Variants in NFIA observed in about 807,000 individuals in gnomAD.
NFIA encodes the protein nuclear factor 1 A-type.
NFIA carries 8 observed loss-of-function variants against 62.8 expected under a neutral mutation model. That is an observed-to-expected ratio of 0.13 (90% confidence interval 0.07 to 0.23). NFIA has a LOEUF of 0.23. Ranked by LOEUF, NFIA falls within the 10% of genes least tolerant of loss-of-function variation. NFIA has a pLI of 1.00. For missense variants in NFIA, 410 were observed against 642.1 expected (o/e 0.64, Z 3.91); for synonymous variants, 235 against 238.1 (o/e 0.99, Z 0.12).
intron 4 of NFIA, 79 bp downstream of exon 4, chr1:61,332,665 A>T: frequency 8.7e-7 from 1 of 1,152,314 alleles, no homozygotes. Flanking sequence ...CCTAGAGACC[A>T]AAAAAAGCTT....
intron 9 of NFIA, among the ~76,000 whole-genome samples, chr1:61,424,938 A>G (rs1011060744): frequency 2.6e-5 from 4 of 152,270 alleles, no homozygotes; most frequent in South Asian, 4.1e-4. Flanking sequence ...TTAGTCTGGC[A>G]TAGCATGGGC....
Position 61,148,286 on chromosome 1 carries a change from T to A in NFIA, c.559+59606T>A, listed in dbSNP as rs147172804. 3.0e-4 allele frequency among the ~76,000 whole-genome samples: 46 copies of A among 152,298 alleles called. 1 individual carries two copies. Among genetic ancestry groups the A allele is most frequent in the African/African-American group, 1.1e-3 (46 of 41,562 alleles). Reference sequence around the variant, plus strand: ...GTAGCCTTCTCATCTCCCCACCTTCTAGCAATAATATTCTATTTGTAGCTT... The same window carrying A: ...GTAGCCTTCTCATCTCCCCACCTTCAAGCAATAATATTCTATTTGTAGCTT... On this transcript the variant is annotated intron_variant, in intron 2 of 10. Coordinates refer to ENST00000403491, the MANE Select transcript of NFIA (RefSeq NM_001134673.4).
chr1:61,283,581 C>CAAAAAAAAAAAAAAAAA lies in NFIA; in HGVS notation c.625+6007_625+6023dup, dbSNP rs576613886. ...TGGGTGACAGAACGAGACTCTGTCT[C>CAAAAAAAAAAAAAAAAA]AAAAAAAAAAAAAAAAAAAAAAAAA... On this transcript the variant is annotated intron_variant, in intron 3 of 10. Transcript: ENST00000403491. Among the ~76,000 whole-genome samples, 101 of 36,692 alleles carry CAAAAAAAAAAAAAAAAA rather than the reference C, an allele frequency of 2.8e-3. 8 individuals are homozygous for CAAAAAAAAAAAAAAAAA. Among genetic ancestry groups the CAAAAAAAAAAAAAAAAA allele is most frequent in the East Asian group, 0.011 (12 of 1,092 alleles). The allele number at this position is 36,692 out of a possible 152,430, so 24.1% of individuals were successfully genotyped here.
chr1:61,383,946 A>G (rs1029085262), intron 7 of NFIA, among the ~76,000 whole-genome samples: 4 of 152,148 alleles, frequency 2.6e-5, no homozygotes, highest in Admixed American at 6.5e-5. Context: ...TGTTTTCATT[A>G]TTTTTGTCTC....
chr1:61,186,825 C>A (rs190787170), intron 2 of NFIA, among the ~76,000 whole-genome samples: 1 of 152,154 alleles, frequency 6.6e-6, no homozygotes, highest in Non-Finnish European at 1.5e-5. Flanking sequence ...ACTGTTATCA[C>A]CTTGATTTTA....
intron 10 of NFIA, among the ~76,000 whole-genome samples, chr1:61,429,331 G>A (rs1667001352): frequency 6.6e-6 from 1 of 152,184 alleles, no homozygotes; most frequent in African/African-American, 2.4e-5. Flanking sequence ...TAAGGAGATT[G>A]TTGATTTTCC....
At chr1:61,393,957 T>C (rs1014888581) in intron 7 of NFIA, among the ~76,000 whole-genome samples, 2 of 152,240 alleles carry the variant, frequency 1.3e-5, no homozygotes, top group African/African-American at 4.8e-5. Flanking sequence ...TGGTGTTACC[T>C]CATTGCATTG....
At chr1:61,236,649 T>A (rs1413510245) in intron 2 of NFIA, among the ~76,000 whole-genome samples, 2 of 152,198 alleles carry the variant, frequency 1.3e-5, no homozygotes, top group East Asian at 3.9e-4. Context: ...AAGGACTTCT[T>A]TCTTGTTTGT....
At chr1:61,198,391 CAG>C (rs1652182324) in intron 2 of NFIA, among the ~76,000 whole-genome samples, 1 of 152,152 alleles carries the variant, frequency 6.6e-6, no homozygotes, top group East Asian at 1.9e-4. Flanking sequence ...GCAGGTAACA[CAG>C]AGCTCTTGAT....
intron 3 of NFIA, 69 bp downstream of exon 3, chr1:61,277,654 G>A (rs1657888490): frequency 6.6e-7 from 1 of 1,522,134 alleles, no homozygotes; most frequent in Admixed American, 1.7e-5. Context: ...GACTAAGTGT[G>A]AGGATTTGGG....
intron 9 of NFIA, among the ~76,000 whole-genome samples, chr1:61,410,863 C>T (rs149031660): frequency 1.0e-3 from 155 of 152,154 alleles, no homozygotes; most frequent in African/African-American, 3.7e-3. Flanking sequence ...ACCAAGATCA[C>T]GCCACTGCAT....
In NFIA at chr1:61,311,316, G is replaced by T. The variant is rs570031757; in HGVS notation, c.626-21196G>T. ...TGAGGCAGGAGAATCGCTTGAACCCGGGAGGTGGAGGTTGCGGTGAGCCGA... is the reference window on the plus strand; with the variant it reads ...TGAGGCAGGAGAATCGCTTGAACCCTGGAGGTGGAGGTTGCGGTGAGCCGA... On this transcript the variant is annotated intron_variant, in intron 3 of 10. Transcript: ENST00000403491. Among the ~76,000 whole-genome samples the T allele has an allele frequency of 3.3e-5, 5 of 152,206 alleles. No individual in the cohort carries two copies. The South Asian group carries it at 1.0e-3, about 32-fold the overall frequency.
chr1:61,341,221 G>A (rs957255583), intron 4 of NFIA, among the ~76,000 whole-genome samples: 2 of 151,496 alleles, frequency 1.3e-5, no homozygotes, highest in East Asian at 2.0e-4. Context: ...CCACCACCGC[G>A]CCCGGCTAAT....
chr1:61,361,011 A>AAGATGGGG (rs1414514271), intron 6 of NFIA, among the ~76,000 whole-genome samples: 1 of 151,846 alleles, frequency 6.6e-6, no homozygotes, highest in Non-Finnish European at 1.5e-5. Flanking sequence ...GATAGATGGG[A>AAGATGGGG]AGGTTATGGC....
At chr1:61,161,035 C>G (rs1018187461) in intron 2 of NFIA, among the ~76,000 whole-genome samples, 1 of 152,166 alleles carries the variant, frequency 6.6e-6, no homozygotes, top group African/African-American at 2.4e-5. Flanking sequence ...CTGCCTCAGC[C>G]TCTTGAGTAG....
At chr1:61,177,479 T>C (rs1650456477) in intron 2 of NFIA, among the ~76,000 whole-genome samples, 1 of 152,190 alleles carries the variant, frequency 6.6e-6, no homozygotes, top group Non-Finnish European at 1.5e-5. Flanking sequence ...AGTGATGCTA[T>C]ATGCATTATC....
chr1:61,406,555 C>CCCG lies in NFIA; in HGVS notation c.1255-5_1255-4insGCC. The CCCG allele has an allele frequency of 7.1e-7, 1 of 1,406,004 alleles. No homozygotes were observed. Among genetic ancestry groups the CCCG allele is most frequent in the Non-Finnish European group, 9.5e-7 (1 of 1,049,900 alleles). The allele number at this position is 1,406,004 out of a possible 1,614,324, so 87.1% of individuals were successfully genotyped here. A position where few individuals can be genotyped will look rare whatever the true frequency, so the allele number is the denominator to read the frequency against. On this transcript the variant is annotated splice_polypyrimidine_tract_variant and splice_region_variant and intron_variant, in intron 8 of 10. Transcript: ENST00000403491. ...ACGTGTGTTTTCTGCCCCCCCCCCCCCCACAGCCCAATGGGAGCAGCCAAG... is the reference window on the plus strand; with the variant it reads ...ACGTGTGTTTTCTGCCCCCCCCCCCCCCGCCACAGCCCAATGGGAGCAGCCAAG...
At chr1:61,391,731 C>T (rs1337594211) in intron 7 of NFIA, among the ~76,000 whole-genome samples, 1 of 152,188 alleles carries the variant, frequency 6.6e-6, no homozygotes, top group Non-Finnish European at 1.5e-5. Context: ...GTGGCACCCC[C>T]TCCCCTGGCC....
At chr1:61,445,282 A>T (rs767671859) in intron 10 of NFIA, among the ~76,000 whole-genome samples, 1 of 152,152 alleles carries the variant, frequency 6.6e-6, no homozygotes, top group Non-Finnish European at 1.5e-5. Flanking sequence ...GAGACTGTCA[A>T]TGCTATAGGA....
Sources: gnomAD v4.1 joint callset for allele counts (sites outside exome capture counted in the v4.1 genomes callset) on GRCh38, gnomAD v4.1.1 for gene constraint, MANE v1.5 for transcripts, NCBI Gene and HGNC (gene_info 2026-07-23, HGNC 2026-07-21) for gene names.